Variants in ASTN2 observed in about 807,000 individuals in gnomAD.
ASTN2 encodes the protein astrotactin 2, also known as astrotactin-2.
Under a neutral mutation model 139.8 loss-of-function variants are expected in ASTN2, and 54 were observed. The ratio of observed to expected loss-of-function variants is 0.39; its 90% CI spans 0.31 to 0.48. The LOEUF is 0.48. Among genes scored for constraint, ASTN2 ranks in the 20% least tolerant of loss-of-function variants. The pLI, the probability that ASTN2 is intolerant of heterozygous loss-of-function variation, is 0.95. For missense variants in ASTN2, 1,565 were observed against 1,725.1 expected (o/e 0.91, Z 1.64); for synonymous variants, 756 against 719.5 (o/e 1.05, Z -0.81).
In ASTN2 at chr9:116,736,124, G is replaced by C. The variant is rs192841990; in HGVS notation, c.2397-2601C>G. Reference sequence around the variant, plus strand: ...GGAGATCCCAGGTGGTTTGGCCCCAGATCAAAATTGAGTAATATATTGCTT... The same window carrying C: ...GGAGATCCCAGGTGGTTTGGCCCCACATCAAAATTGAGTAATATATTGCTT... On this transcript the variant is annotated intron_variant, in intron 13 of 22. Coordinates refer to ENST00000313400, the MANE Select transcript of ASTN2 (RefSeq NM_001365068.1). 2.0e-5 allele frequency among the ~76,000 whole-genome samples: 3 copies of C among 152,326 alleles called. No individual in the cohort carries two copies. The East Asian group carries it at 5.8e-4, about 29-fold the overall frequency.
intron 19 of ASTN2, among the ~76,000 whole-genome samples, chr9:116,501,514 A>G (rs1849853112): frequency 6.6e-6 from 1 of 152,068 alleles, no homozygotes; most frequent in Non-Finnish European, 1.5e-5. Flanking sequence ...TGGTATTTCT[A>G]GTTCTAGATC....
intron 11 of ASTN2, among the ~76,000 whole-genome samples, chr9:116,837,643 T>C (rs187126129): frequency 4.6e-5 from 7 of 152,216 alleles, no homozygotes; most frequent in Admixed American, 4.6e-4. Flanking sequence ...TGTAATGAGC[T>C]GTTTTACCAC....
chr9:116,920,526 G>A (rs934660183), intron 10 of ASTN2, among the ~76,000 whole-genome samples: 2 of 152,178 alleles, frequency 1.3e-5, no homozygotes, highest in East Asian at 3.9e-4. Flanking sequence ...CCTGCTCACA[G>A]TGCCTTCTTG....
intron 20 of ASTN2, among the ~76,000 whole-genome samples, chr9:116,453,674 C>T: frequency 6.9e-6 from 1 of 145,134 alleles, no homozygotes; most frequent in East Asian, 2.1e-4. Context: ...TAAATGTTAT[C>T]TTGCTTATCT....
Position 116,716,994 on chromosome 9 carries a change from C to T in ASTN2, c.2806+8777G>A, listed in dbSNP as rs12341965. 5.2e-3 allele frequency among the ~76,000 whole-genome samples: 796 copies of T among 152,338 alleles called. 5 individuals are homozygous for T. Among genetic ancestry groups the T allele is most frequent in the African/African-American group, 0.018 (760 of 41,574 alleles). On this transcript the variant is annotated intron_variant, in intron 16 of 22. Coordinates refer to ENST00000313400, the MANE Select transcript of ASTN2 (RefSeq NM_001365068.1). ...CTGCTGTGGTATGACTGAACCAACA[C>T]CAACTCCGTGATTAATCAGCCTGGG...
Position 117,374,121 on chromosome 9 carries a change from A to G in ASTN2, c.442+40376T>C, listed in dbSNP as rs150581135. Reference sequence around the variant, plus strand: ...ATTTTCAGATATAGCAACCCATTCAATCGTCCACTTGTAAGCCAGCCCTGG... The same window carrying G: ...ATTTTCAGATATAGCAACCCATTCAGTCGTCCACTTGTAAGCCAGCCCTGG... On this transcript the variant is annotated intron_variant, in intron 1 of 22. Coordinates refer to ENST00000313400, the MANE Select transcript of ASTN2 (RefSeq NM_001365068.1). Among the ~76,000 whole-genome samples, 678 of 152,250 alleles carry G rather than the reference A, an allele frequency of 4.5e-3. 6 individuals carry two copies. Among genetic ancestry groups the G allele is most frequent in the African/African-American group, 0.015 (643 of 41,540 alleles).
At chr9:116,982,830 G>C (rs527943217) in intron 7 of ASTN2, among the ~76,000 whole-genome samples, 1 of 152,228 alleles carries the variant, frequency 6.6e-6, no homozygotes, top group Non-Finnish European at 1.5e-5. Flanking sequence ...CCCCGAAGCT[G>C]TTCCTGTGTT....
intron 19 of ASTN2, among the ~76,000 whole-genome samples, chr9:116,495,156 A>G (rs1849631474): frequency 6.6e-6 from 1 of 152,202 alleles, no homozygotes; most frequent in African/African-American, 2.4e-5. Flanking sequence ...GATCTAGCAA[A>G]TACCTACTGA....
At chr9:117,099,954 C>T (rs550663015) in intron 4 of ASTN2, among the ~76,000 whole-genome samples, 32 of 152,310 alleles carry the variant, frequency 2.1e-4, no homozygotes, top group Middle Eastern at 6.8e-3. Flanking sequence ...AAGCTTGCTT[C>T]GTACCTAATA....
chr9:117,215,567 A>T (rs1832291184), intron 2 of ASTN2, among the ~76,000 whole-genome samples: 1 of 151,910 alleles, frequency 6.6e-6, no homozygotes, highest in South Asian at 2.1e-4. Context: ...AATTTGAAAT[A>T]AGCTAATGTG....
At chr9:117,152,727 C>A (rs374760485) in intron 3 of ASTN2, among the ~76,000 whole-genome samples, 1 of 152,152 alleles carries the variant, frequency 6.6e-6, no homozygotes, top group East Asian at 1.9e-4. Context: ...CACTCTCTTA[C>A]TTTTAATTCC....
chr9:116,423,748 T>C lies in ASTN2; in HGVS notation c.*2103A>G, dbSNP rs3747831. On this transcript the variant is annotated 3_prime_UTR_variant, in exon 23 of 23. Coordinates refer to ENST00000313400, the MANE Select transcript of ASTN2 (RefSeq NM_001365068.1). The stretch of plus-strand genomic sequence containing the variant: ...CCCAGGCACCAAGGTTGGAAGAATC[T>C]CTTTCTGCTTTGTTTTCTTTTGTGT... Among the ~76,000 whole-genome samples the C allele has an allele frequency of 0.89, 135,205 of 152,058 alleles. 60,206 individuals carry two copies. The highest frequency in any genetic ancestry group is 0.92 in the Non-Finnish European group (62,693 of 68,020).
chr9:117,180,882 G>C (rs1448629755), intron 3 of ASTN2: 2 of 1,582,902 alleles, frequency 1.3e-6, no homozygotes, highest in African/African-American at 1.3e-5. Context: ...ACTTGAACTT[G>C]GCCCTGCGCA....
chr9:117,180,834 C>T (rs1831045062), intron 3 of ASTN2: 2 of 1,552,386 alleles, frequency 1.3e-6, no homozygotes, highest in Non-Finnish European at 1.8e-6. Context: ...TGGTGAAGCC[C>T]CACTTCTTTG....
chr9:116,619,140 C>T (rs539473147), intron 18 of ASTN2, among the ~76,000 whole-genome samples: 15 of 152,140 alleles, frequency 9.9e-5, no homozygotes, highest in South Asian at 4.2e-4. Context: ...CCTTTTTCCA[C>T]GATACCACAC....
chr9:117,197,464 T>C (rs367626491), intron 3 of ASTN2: 26 of 152,354 alleles, frequency 1.7e-4, no homozygotes, highest in African/African-American at 6.3e-4. Flanking sequence ...TATGCATGGC[T>C]GACTTGAAAA....
intron 20 of ASTN2, among the ~76,000 whole-genome samples, chr9:116,485,458 G>C (rs1035819954): frequency 6.6e-6 from 1 of 152,182 alleles, no homozygotes; most frequent in Non-Finnish European, 1.5e-5. Context: ...AGTTAGAGAG[G>C]ACTTAATCGC....
chr9:117,126,768 C>T (rs1324398147), intron 4 of ASTN2, among the ~76,000 whole-genome samples: 1 of 152,162 alleles, frequency 6.6e-6, no homozygotes, highest in Non-Finnish European at 1.5e-5. Flanking sequence ...TACTTGAATG[C>T]TTGAGTGAGT....
chr9:116,686,681 T>C (rs1288012636), intron 16 of ASTN2: 1 of 1,550,026 alleles, frequency 6.5e-7, no homozygotes, highest in East Asian at 2.4e-5. Flanking sequence ...TACACTTGGT[T>C]TGGGTTCCCG....
Sources: gnomAD v4.1 joint callset for allele counts (sites outside exome capture counted in the v4.1 genomes callset) on GRCh38, gnomAD v4.1.1 for gene constraint, MANE v1.5 for transcripts, NCBI Gene and HGNC (gene_info 2026-07-23, HGNC 2026-07-21) for gene names.